Variants in PTPRD observed in about 807,000 individuals in gnomAD.
PTPRD encodes the protein protein tyrosine phosphatase receptor type D.
Under a neutral mutation model 214.5 loss-of-function variants are expected in PTPRD, and 34 were observed. That is an observed-to-expected ratio of 0.16 (90% CI 0.12 to 0.21). The LOEUF (loss-of-function observed/expected upper bound fraction) is 0.21. Among genes scored for constraint, PTPRD ranks in the 10% least tolerant of loss-of-function variants. The pLI, the probability that PTPRD is intolerant of heterozygous loss-of-function variation, is 1.00. For synonymous variants in PTPRD, 1,128 were observed against 845.7 expected (o/e 1.33, Z -5.79); for missense variants, 2,545 against 2,398.7 (o/e 1.06, Z -1.27).
chr9:9,931,955 C>A (rs939267012), intron 5 of PTPRD, among the ~76,000 whole-genome samples: 1 of 151,796 alleles, frequency 6.6e-6, no homozygotes, highest in Admixed American at 6.6e-5. Context: ...AGGCACCCCC[C>A]AGCAGGGGCA....
At chr9:10,168,950 G>C (rs1482832790) in intron 3 of PTPRD, among the ~76,000 whole-genome samples, 1 of 152,036 alleles carries the variant, frequency 6.6e-6, no homozygotes, top group African/African-American at 2.4e-5. Flanking sequence ...ATGTCTTATG[G>C]ACTGGAGGAG....
rs139794651 is a variant in PTPRD at position 9,396,443 on chromosome 9, G to A, written c.-203+1006C>T. 4.1e-3 allele frequency among the ~76,000 whole-genome samples: 630 copies of A among 152,086 alleles called. 4 individuals are homozygous for A. Among genetic ancestry groups the A allele is most frequent in the African/African-American group, 0.014 (596 of 41,524 alleles). On this transcript the variant is annotated intron_variant, in intron 9 of 45. Coordinates refer to ENST00000381196, the MANE Select transcript of PTPRD (RefSeq NM_002839.4). ...TCATAGACATATTAAGGTTTGAGAA[G>A]CACCAATGTAATATACAATAAGGCT...
At chr9:9,872,589 C>T (rs969047703) in intron 5 of PTPRD, among the ~76,000 whole-genome samples, 6 of 151,926 alleles carry the variant, frequency 3.9e-5, no homozygotes, top group Non-Finnish European at 7.4e-5. Flanking sequence ...GGCCCTGTGT[C>T]AAAACAACCA....
At chr9:8,976,477 T>A (rs1049709196) in intron 11 of PTPRD, among the ~76,000 whole-genome samples, 2 of 152,064 alleles carry the variant, frequency 1.3e-5, no homozygotes, top group East Asian at 1.9e-4. Flanking sequence ...TAGCAACTCT[T>A]CTAGTAAATA....
intron 8 of PTPRD, among the ~76,000 whole-genome samples, chr9:9,484,560 G>C (rs930319124): frequency 1.3e-5 from 2 of 152,034 alleles, no homozygotes; most frequent in Non-Finnish European, 1.5e-5. Flanking sequence ...TTAATAAAAA[G>C]CAGAACAAAC....
At chr9:8,651,700 A>T (rs2096813478) in intron 12 of PTPRD, among the ~76,000 whole-genome samples, 1 of 152,204 alleles carries the variant, frequency 6.6e-6, no homozygotes, top group Non-Finnish European at 1.5e-5. Context: ...TTAAAAAATC[A>T]ACTCAAAGAG....
intron 39 of PTPRD, among the ~76,000 whole-genome samples, chr9:8,359,682 A>G (rs2077970397): frequency 6.6e-6 from 1 of 152,070 alleles, no homozygotes; most frequent in African/African-American, 2.4e-5. Flanking sequence ...TGCTTGCTAA[A>G]GTTTCTGAGC....
chr9:8,418,248 A>G (rs2094097874), intron 35 of PTPRD, among the ~76,000 whole-genome samples: 1 of 146,980 alleles, frequency 6.8e-6, no homozygotes, highest in Admixed American at 6.8e-5. Context: ...TCTAAATTCT[A>G]CCTTCCTTTC....
rs192637365 is a variant in PTPRD at position 8,462,546 on chromosome 9, G to A, written c.3715-1975C>T. ...ACAATTTTACTTTAAACTTGCTTAC[G>A]ACACACAACACATTCCATCACAGTG... On this transcript the variant is annotated intron_variant, in intron 32 of 45. Transcript: ENST00000381196. Among the ~76,000 whole-genome samples, 15 of 151,954 alleles carry A rather than the reference G, an allele frequency of 9.9e-5. No individual in the cohort carries two copies. In the East Asian group the frequency reaches 2.7e-3, roughly 28 times the overall value.
intron 9 of PTPRD, among the ~76,000 whole-genome samples, chr9:9,318,858 A>T (rs1248690738): frequency 6.6e-6 from 1 of 152,180 alleles, no homozygotes; most frequent in Non-Finnish European, 1.5e-5. Context: ...ATCAAAGTGG[A>T]TAAACTCTCT....
At chr9:10,087,783 A>G (rs758453251) in intron 3 of PTPRD, among the ~76,000 whole-genome samples, 1 of 151,748 alleles carries the variant, frequency 6.6e-6, no homozygotes, top group African/African-American at 2.4e-5. Context: ...CACTATACAA[A>G]CAAAAAGACA....
At chr9:8,667,688 A>C (rs1463705129) in intron 12 of PTPRD, among the ~76,000 whole-genome samples, 1 of 152,156 alleles carries the variant, frequency 6.6e-6, no homozygotes, top group Non-Finnish European at 1.5e-5. Flanking sequence ...ATAAAATATA[A>C]ATGAATTTTG....
At chr9:8,849,538 G>T (rs562075501) in intron 11 of PTPRD, among the ~76,000 whole-genome samples, 1 of 152,124 alleles carries the variant, frequency 6.6e-6, no homozygotes, top group African/African-American at 2.4e-5. Context: ...TAATTCTTTA[G>T]TTCAACTCAA....
At chr9:8,927,549 T>C (rs1376111818) in intron 11 of PTPRD, among the ~76,000 whole-genome samples, 1 of 152,170 alleles carries the variant, frequency 6.6e-6, no homozygotes, top group African/African-American at 2.4e-5. Context: ...CATCCTTTTT[T>C]TGGCTGCATA....
intron 14 of PTPRD, among the ~76,000 whole-genome samples, chr9:8,594,486 AT>A (rs1180722863): frequency 6.6e-6 from 1 of 152,134 alleles, no homozygotes; most frequent in Non-Finnish European, 1.5e-5. Flanking sequence ...CCACCTAATC[AT>A]TTGATACGGT....
intron 8 of PTPRD, among the ~76,000 whole-genome samples, chr9:9,420,757 C>T (rs536594848): frequency 6.6e-6 from 1 of 151,968 alleles, no homozygotes; most frequent in African/African-American, 2.4e-5. Context: ...ATATTTATGA[C>T]ATGGAAAGAT....
chr9:9,735,729 G>T (rs564700104), intron 6 of PTPRD, among the ~76,000 whole-genome samples: 7 of 152,018 alleles, frequency 4.6e-5, no homozygotes, highest in Admixed American at 1.3e-4. Context: ...GAATTCTCTA[G>T]CCTGGCTTCA....
intron 2 of PTPRD, among the ~76,000 whole-genome samples, chr9:10,518,851 TA>T (rs959421564): frequency 2.6e-5 from 4 of 151,942 alleles, no homozygotes; most frequent in African/African-American, 9.7e-5. Context: ...TTTTTTTTTT[TA>T]AATAATAATT....
intron 11 of PTPRD, among the ~76,000 whole-genome samples, chr9:8,971,938 A>T (rs1254967595): frequency 1.3e-5 from 2 of 151,802 alleles, no homozygotes; most frequent in Admixed American, 6.6e-5. Flanking sequence ...CCTACACCAG[A>T]TTTGAATCAA....
Sources: gnomAD v4.1 joint callset for allele counts (sites outside exome capture counted in the v4.1 genomes callset) on GRCh38, gnomAD v4.1.1 for gene constraint, MANE v1.5 for transcripts, NCBI Gene and HGNC (gene_info 2026-07-23, HGNC 2026-07-21) for gene names.